CHTF18: variants seen among roughly 807,000 people sequenced by gnomAD.
CHTF18 encodes chromosome transmission fidelity factor 18.
Under a neutral mutation model 113.4 loss-of-function variants are expected in CHTF18, and 151 were observed. The observed-to-expected ratio is 1.33, with a 90% CI of 1.17 to 1.52. The LOEUF (loss-of-function observed/expected upper bound fraction) is 1.52, where lower values mean the gene tolerates loss of function less well. Among genes scored for constraint, CHTF18 ranks in the 40% most tolerant of loss-of-function variants. The pLI, the probability that CHTF18 is intolerant of heterozygous loss-of-function variation, is 0.00. For missense variants in CHTF18, 1,982 were observed against 1,381.6 expected, an observed-to-expected ratio of 1.43 and a Z score of -6.89; for synonymous variants, 916 against 598.8, an observed-to-expected ratio of 1.53 and a Z score of -7.74.
chr16:795,740 T>C lies in CHTF18; in HGVS notation c.2231T>C (p.Ile744Thr). 1 of 1,607,612 alleles carries C rather than the reference T, an allele frequency of 6.2e-7. No homozygotes were observed. Among genetic ancestry groups the C allele is most frequent in the Non-Finnish European group, 8.5e-7 (1 of 1,178,348 alleles). The change falls in exon 17 of 22, where the codon ATC (isoleucine) becomes ACC (threonine). Residue 744 changes from isoleucine (I) to threonine (T), a missense_variant. Transcript: ENST00000262315. ...CTGATCCAGACGCTGGTGTCCGGCA[T>C]CGCGCCAGCCACGCGCAGCCGGGCC... ...RNLIQTLVSG[I>T]APATRSRATP...
chr16:789,190 C>T lies in CHTF18; in HGVS notation c.287-20C>T, dbSNP rs1269561270. ...GCGAGGCTGAGGAGGCCTCTGGTTC[C>T]CTGCATGTGTCTCCCCCAGCCCCCA... is the stretch of plus-strand genomic sequence containing the variant. On this transcript the variant is annotated intron_variant, in intron 2 of 21. Transcript: ENST00000262315. 2 of 1,550,332 alleles carry T rather than the reference C, an allele frequency of 1.3e-6. No homozygotes were observed. Among genetic ancestry groups the T allele is most frequent in the Non-Finnish European group, 1.7e-6 (2 of 1,147,108 alleles).
chr16:791,084 C>T, intron 7 of CHTF18, 77 bp from the exon 8 acceptor site: 3 of 1,531,248 alleles, frequency 2.0e-6, no homozygotes, highest in Non-Finnish European at 2.6e-6. Context: ...GGGCATGGGG[C>T]TCATGGTGGC....
At chr16:797,176 G>T in intron 20 of CHTF18, 84 bp downstream of exon 20, 1 of 1,417,266 alleles carries the variant, frequency 7.1e-7, no homozygotes, top group Non-Finnish European at 9.2e-7. Context: ...CGGGGCCAAG[G>T]CACCCATGGG....
rs774625847 is a variant in CHTF18 at position 796,021 on chromosome 16, C to G, written c.2400C>G (p.Ser800Arg). ...ASLVGTMLAY[S>R]LTYRQERTPD... ...TGGTGGGCACGATGCTCGCTTACAG[C>G]CTGACCTACCGCCAGGAGCGCACGC... is the stretch of plus-strand genomic sequence containing the variant. The change falls in exon 18 of 22, where the codon AGC becomes AGG. Residue 800 changes from serine to arginine, a missense_variant. Physicochemically the swap from Ser to Arg is moderately radical, Grantham distance 110. Transcript: ENST00000262315. The G allele has an allele frequency of 6.2e-7, 1 of 1,606,484 alleles. No individual in the cohort carries two copies. The highest frequency in any genetic ancestry group is 1.7e-5 in the Admixed American group (1 of 59,350).
chr16:797,315 C>T (rs2042379527), intron 20 of CHTF18, among the ~76,000 whole-genome samples: 2 of 151,554 alleles, frequency 1.3e-5, no homozygotes, highest in Admixed American at 1.3e-4. Flanking sequence ...GGCCAAGGCA[C>T]CCATGGGGTG....
At chr16:790,103 A>G (rs753214852) in intron 4 of CHTF18, 74 bp from the exon 5 acceptor site, 3 of 1,541,528 alleles carry the variant, frequency 1.9e-6, no homozygotes, top group Admixed American at 3.9e-5. Flanking sequence ...CGGGTCCCTG[A>G]GCACTGATGG....
At position 791,174 on chromosome 16, in the gene CHTF18, G is replaced by A. The variant is rs760342767; in HGVS notation, c.908G>A (p.Cys303Tyr). The A allele has an allele frequency of 1.2e-5, 19 of 1,610,928 alleles. No individual in the cohort carries two copies. In the African/African-American group the frequency reaches 2.1e-4, roughly 18 times the overall value. Residue 303 changes from cysteine to tyrosine, a missense_variant, in exon 8 of 22, where the codon TGC becomes TAC. Cys to Tyr is a radical substitution (Grantham distance 194). Transcript: ENST00000262315. Reference sequence around the variant, plus strand: ...TCCTTCCCGCAGTTCACCAACCGCTGCCTGCTCAAGTGGCTGAAGTTGTGG... The same window carrying A: ...TCCTTCCCGCAGTTCACCAACCGCTACCTGCTCAAGTGGCTGAAGTTGTGG... ...ELLSDDFTNRCLLKWLKLWDL... is the reference protein window; with the variant it reads ...ELLSDDFTNRYLLKWLKLWDL...
chr16:790,668 T>C lies in CHTF18; in HGVS notation c.894+2T>C. The C allele has an allele frequency of 6.4e-7, 1 of 1,551,928 alleles. No individual in the cohort carries two copies. The highest frequency in any genetic ancestry group is 8.6e-7 in the Non-Finnish European group (1 of 1,157,482). On this transcript the variant is annotated splice_donor_variant, in intron 7 of 21. Coordinates refer to ENST00000262315, the MANE Select transcript of CHTF18 (RefSeq NM_022092.3). LOFTEE classifies it high-confidence loss of function. ...TACACGGAGCTGCTCAGTGATGACG[T>C]GAGGTCTTGTTCTCACTCAAGTGTG...
Position 798,050 on chromosome 16 carries a change from A to G in CHTF18, c.*75A>G, listed in dbSNP as rs1209460894. The G allele has an allele frequency of 7.2e-6, 11 of 1,533,638 alleles. No individual in the cohort carries two copies. Among genetic ancestry groups the G allele is most frequent in the African/African-American group, 1.4e-5 (1 of 73,594 alleles). ...GACAGGAAGCTGGAGATGTCTTTAT[A>G]AAGTCACACCTTTACAGACTGTAAT... On this transcript the variant is annotated 3_prime_UTR_variant, in exon 22 of 22. Coordinates refer to ENST00000262315, the MANE Select transcript of CHTF18 (RefSeq NM_022092.3).
intron 4 of CHTF18, chr16:789,954 G>GCTTTTGCCCTTTCCTC: frequency 1.3e-6 from 2 of 1,531,888 alleles, no homozygotes; most frequent in Non-Finnish European, 8.7e-7. Flanking sequence ...TTCCCCTCCT[G>GCTTTTGCCCTTTCCTC]CTTTTGCCCT....
rs765472162 is a variant in CHTF18, at chr16:788,943, C to T, written c.104C>T (p.Pro35Leu). The change falls in exon 2 of 22, where the codon CCG (proline) becomes CTG (leucine). Residue 35 changes from proline to leucine, a missense_variant. Physicochemically the swap from Pro to Leu is moderately conservative, Grantham distance 98. Coordinates refer to ENST00000262315, the MANE Select transcript of CHTF18 (RefSeq NM_022092.3). ...CCTCTCCCAGCAGGGGCGTCGACTC[C>T]GTCGCCCTCCGGGGTCCCCCTGTTC... Reference protein sequence around the residue: ...VLAELEGASTPSPSGVPLFTA... With the variant: ...VLAELEGASTLSPSGVPLFTA... 26 of 1,557,184 alleles carry T rather than the reference C, an allele frequency of 1.7e-5. No homozygotes were observed. The highest frequency in any genetic ancestry group is 2.2e-5 in the Non-Finnish European group (25 of 1,160,188).
In CHTF18 at chr16:798,025, G is replaced by T; in HGVS notation, c.*50G>T. The stretch of plus-strand genomic sequence containing the variant: ...CGCATTGCTTCCCGCAGAGTGCAGA[G>T]ACAGGAAGCTGGAGATGTCTTTATA... On this transcript the variant is annotated 3_prime_UTR_variant, in exon 22 of 22. Coordinates refer to ENST00000262315, the MANE Select transcript of CHTF18 (RefSeq NM_022092.3). 6.3e-7 allele frequency: 1 copy of T among 1,575,198 alleles called. No homozygotes were observed. The highest frequency in any genetic ancestry group is 8.6e-7 in the Non-Finnish European group (1 of 1,159,332).
intron 14 of CHTF18, 121 bp from the exon 15 acceptor site, chr16:793,933 C>G (rs1399265153): frequency 8.7e-7 from 1 of 1,147,634 alleles, no homozygotes; most frequent in Non-Finnish European, 1.2e-6. Flanking sequence ...CAGCAAGGGC[C>G]CTGCTGAGAA....
chr16:791,703 A>T, intron 8 of CHTF18, 148 bp from the exon 9 acceptor site: 1 of 1,433,516 alleles, frequency 7.0e-7, no homozygotes, highest in Non-Finnish European at 9.1e-7. Context: ...TGGTGTGTGA[A>T]AGTGCTCAAT....
At position 793,028 on chromosome 16, in the gene CHTF18, T is replaced by C. The variant is rs1350798783; in HGVS notation, c.1635T>C (p.Thr545=). Residue 545 remains threonine, a synonymous_variant, in exon 13 of 22, where the codon ACT becomes ACC. Coordinates refer to ENST00000262315, the MANE Select transcript of CHTF18 (RefSeq NM_022092.3). ...TGCTGGCCGCCCTCTGTGAGAAAAC[T>C]GACAATGACATCCGGGCCTGCATCA... The part of the protein sequence containing the change: ...PGVLAALCEK[T]DNDIRACINT... The C allele has an allele frequency of 1.3e-6, 2 of 1,564,662 alleles. No individual in the cohort carries two copies. The highest frequency in any genetic ancestry group is 2.4e-5 in the East Asian group (1 of 41,612).
chr16:790,776 G>T lies in CHTF18; in HGVS notation c.894+110G>T. The T allele has an allele frequency of 2.1e-6, 3 of 1,438,032 alleles. No homozygotes were observed. In the South Asian group the frequency reaches 4.5e-5, roughly 21 times the overall value. The allele number at this position is 1,438,032 out of a possible 1,614,324, so 89.1% of individuals were successfully genotyped here. A position where few individuals can be genotyped will look rare whatever the true frequency, so the allele number is the denominator to read the frequency against. ...CAATCCACTGGGCCTCGGAGACGGA[G>T]TGGGCTCTGGTTTGCCCTTTTGAGT... On this transcript the variant is annotated intron_variant, in intron 7 of 21. Transcript: ENST00000262315.
chr16:792,629 T>A, intron 11 of CHTF18, 39 bp downstream of exon 11: 1 of 1,592,052 alleles, frequency 6.3e-7, no homozygotes, highest in East Asian at 2.2e-5. Flanking sequence ...GGAGAGGCTC[T>A]GGTGCCTGGA....
rs748352793 is a variant in CHTF18 at position 792,633 on chromosome 16, G to T, written c.1478+43G>T. On this transcript the variant is annotated intron_variant, in intron 11 of 21. Transcript: ENST00000262315. ...CGCCACAGTCAGGAGAGGCTCTGGT[G>T]CCTGGAGGGAGGGTTCCGGCCCGTC... 4.4e-6 allele frequency: 7 copies of T among 1,591,788 alleles called. No individual in the cohort carries two copies. The African/African-American group carries it at 5.4e-5, about 12-fold the overall frequency.
chr16:796,652 C>T (rs79562574), intron 18 of CHTF18, 65 bp from the exon 19 acceptor site: 311,095 of 1,484,504 alleles, frequency 0.21, 34,072 homozygotes, highest in East Asian at 0.27. Context: ...TTGGAGTGCC[C>T]GGCGGCTCTC....
Sources: gnomAD v4.1 joint callset for allele counts (sites outside exome capture counted in the v4.1 genomes callset) on GRCh38, gnomAD v4.1.1 for gene constraint, MANE v1.5 for transcripts, NCBI Gene and HGNC (gene_info 2026-07-23, HGNC 2026-07-21) for gene names.